The following CTNNBL1 variants were observed in gnomAD, a reference collection of about 807,000 sequenced individuals.
CTNNBL1 encodes the protein beta-catenin-like protein 1.
Under a neutral mutation model 72.7 loss-of-function variants are expected in CTNNBL1, and 31 were observed. The ratio of observed to expected loss-of-function variants is 0.43; its 90% CI spans 0.32 to 0.58. CTNNBL1 has a LOEUF of 0.58. CTNNBL1 is among the 20% of genes least tolerant of loss of function. The pLI is 0.08. For synonymous variants in CTNNBL1, 240 were observed against 267.3 expected (o/e 0.90, Z 1.00); for missense variants, 534 against 725.1 (o/e 0.74, Z 3.03).
intron 3 of CTNNBL1, among the ~76,000 whole-genome samples, chr20:37,741,341 T>A (rs371725386): frequency 6.6e-6 from 1 of 152,236 alleles, no homozygotes; most frequent in African/African-American, 2.4e-5. Flanking sequence ...ACGACTGTTA[T>A]AACAAACTTG....
chr20:37,749,399 T>C (rs753517569), intron 4 of CTNNBL1, among the ~76,000 whole-genome samples: 1 of 152,210 alleles, frequency 6.6e-6, no homozygotes, highest in Non-Finnish European at 1.5e-5. Flanking sequence ...AAAACGCTGC[T>C]CGACATCGGC....
intron 11 of CTNNBL1, among the ~76,000 whole-genome samples, chr20:37,833,645 C>T (rs771470857): frequency 2.0e-5 from 3 of 152,154 alleles, no homozygotes; most frequent in African/African-American, 4.8e-5. Context: ...CTGTTCTCTG[C>T]AGTGGGAACT....
chr20:37,768,251 C>T (rs577655006), intron 7 of CTNNBL1, among the ~76,000 whole-genome samples: 75 of 152,226 alleles, frequency 4.9e-4, no homozygotes, highest in African/African-American at 1.6e-3. Flanking sequence ...AAAATACAAA[C>T]GTTATAAATA....
intron 13 of CTNNBL1, among the ~76,000 whole-genome samples, chr20:37,850,098 G>C (rs2072383481): frequency 6.6e-6 from 1 of 152,114 alleles, no homozygotes; most frequent in Non-Finnish European, 1.5e-5. Context: ...CTCCAGTAGG[G>C]TTGTCGTTTT....
At chr20:37,864,809 G>A (rs1009442905) in intron 15 of CTNNBL1, among the ~76,000 whole-genome samples, 10 of 129,700 alleles carry the variant, frequency 7.7e-5, no homozygotes, top group African/African-American at 3.0e-4. Flanking sequence ...TGGGGTGCGT[G>A]CTGAGGTGGT....
At chr20:37,847,921 A>G (rs2072360218) in intron 13 of CTNNBL1, 1 of 152,572 alleles carries the variant, frequency 6.6e-6, no homozygotes, top group Non-Finnish European at 1.5e-5. Flanking sequence ...TCTTAAACAG[A>G]TTTTGTCCTT....
chr20:37,728,403 C>A (rs138527165), intron 1 of CTNNBL1, among the ~76,000 whole-genome samples: 162 of 152,270 alleles, frequency 1.1e-3, no homozygotes, highest in African/African-American at 3.7e-3. Flanking sequence ...GTGGCCTGTA[C>A]TATATTTCAA....
chr20:37,776,940 T>TA (rs1244895254), intron 7 of CTNNBL1, among the ~76,000 whole-genome samples: 1 of 152,182 alleles, frequency 6.6e-6, no homozygotes, highest in African/African-American at 2.4e-5. Flanking sequence ...GCTCATATAT[T>TA]AACTAATTTA....
At chr20:37,834,179 T>A (rs771059391) in intron 11 of CTNNBL1, among the ~76,000 whole-genome samples, 8 of 152,100 alleles carry the variant, frequency 5.3e-5, no homozygotes, top group Non-Finnish European at 1.0e-4. Flanking sequence ...TACATTTTTC[T>A]CTTTGAAAAT....
At chr20:37,743,460 TG>T (rs1056922828) in intron 3 of CTNNBL1, among the ~76,000 whole-genome samples, 3 of 152,116 alleles carry the variant, frequency 2.0e-5, no homozygotes, top group East Asian at 1.9e-4. Context: ...AAAAAGGTAT[TG>T]GGGGAAAATC....
In CTNNBL1 at chr20:37,840,090, T is replaced by C; in HGVS notation, c.1214-12T>C. On this transcript the variant is annotated splice_polypyrimidine_tract_variant and intron_variant, in intron 11 of 15. Transcript: ENST00000361383. ...GATCTCAGCATGTTCTCTTTTCTCT[T>C]TCCCAACCCAGAGCATGTCTGTTCG... 6.2e-7 allele frequency: 1 copy of C among 1,607,010 alleles called. No individual in the cohort carries two copies. Among genetic ancestry groups the C allele is most frequent in the Non-Finnish European group, 8.5e-7 (1 of 1,173,690 alleles).
chr20:37,780,179 A>G (rs1223357139), intron 10 of CTNNBL1, among the ~76,000 whole-genome samples: 1 of 151,958 alleles, frequency 6.6e-6, no homozygotes, highest in Non-Finnish European at 1.5e-5. Flanking sequence ...GAAAAAAAGA[A>G]ATGGAGCCAG....
rs140441130 is a variant in CTNNBL1 at position 37,715,389 on chromosome 20, G to A, written c.31-17490G>A. Among the ~76,000 whole-genome samples the A allele has an allele frequency of 1.3e-4, 20 of 152,318 alleles. 1 individual carries two copies. The East Asian group carries it at 3.7e-3, about 28-fold the overall frequency. ...TGAAGGTTAAAAAGATAATGAAAAT[G>A]TTAAGTTCCTGGTACAGAGTAGGCA... is the stretch of plus-strand genomic sequence containing the variant. On this transcript the variant is annotated intron_variant, in intron 1 of 15. Coordinates refer to ENST00000361383, the MANE Select transcript of CTNNBL1 (RefSeq NM_030877.5).
At position 37,708,541 on chromosome 20, in the gene CTNNBL1, GA is replaced by G. The variant is rs200000748; in HGVS notation, c.30+14396del. Reference sequence around the variant, plus strand: ...AAAAAGCACAGTATCTGCAAAGGGGGAAAAAAATGAGGTATGCTTGTAGTTC... The same window carrying G: ...AAAAAGCACAGTATCTGCAAAGGGGGAAAAAATGAGGTATGCTTGTAGTTC... On this transcript the variant is annotated intron_variant, in intron 1 of 15. Transcript: ENST00000361383. Among the ~76,000 whole-genome samples, 711 of 152,070 alleles carry G rather than the reference GA, an allele frequency of 4.7e-3. 9 individuals carry two copies. Among genetic ancestry groups the G allele is most frequent in the East Asian group, 0.017 (89 of 5,176 alleles).
chr20:37,718,439 G>T (rs1185055288), intron 1 of CTNNBL1, among the ~76,000 whole-genome samples: 2 of 130,426 alleles, frequency 1.5e-5, no homozygotes, highest in Non-Finnish European at 3.3e-5. Context: ...CCTCCCGGAC[G>T]GGGTGGCTGG....
intron 10 of CTNNBL1, among the ~76,000 whole-genome samples, chr20:37,800,902 ATGT>A (rs1315192856): frequency 6.6e-6 from 1 of 152,172 alleles, no homozygotes; most frequent in Non-Finnish European, 1.5e-5. Context: ...CCTGTCTTGA[ATGT>A]TGTTTTGCCC....
chr20:37,737,520 G>T, intron 3 of CTNNBL1, 36 bp downstream of exon 3: 1 of 1,411,274 alleles, frequency 7.1e-7, no homozygotes, highest in Non-Finnish European at 9.8e-7. Context: ...TGTCTCCTCT[G>T]TGGCGTTTCG....
At chr20:37,777,593 C>A in intron 8 of CTNNBL1, 61 bp from the exon 9 acceptor site, 2 of 1,513,794 alleles carry the variant, frequency 1.3e-6, no homozygotes, top group East Asian at 2.3e-5. Context: ...CAGTGTTAGA[C>A]GGCTGTAAAA....
At chr20:37,783,944 G>A (rs1343303178) in intron 10 of CTNNBL1, among the ~76,000 whole-genome samples, 1 of 152,234 alleles carries the variant, frequency 6.6e-6, no homozygotes, top group East Asian at 1.9e-4. Context: ...AGTGCTGAAA[G>A]TGGGGTGTTG....
Sources: allele counts gnomAD v4.1 joint callset (sites outside exome capture counted in the v4.1 genomes callset), GRCh38; gene constraint gnomAD v4.1.1; transcripts MANE v1.5; gene names NCBI Gene and HGNC (gene_info 2026-07-23, HGNC 2026-07-21).